Variants in MEI4 observed in about 807,000 individuals in gnomAD.
MEI4 encodes the protein meiotic double-stranded break formation protein 4, also known as meiosis-specific protein MEI4.
Under a neutral mutation model 31.4 loss-of-function variants are expected in MEI4, and 27 were observed. The observed-to-expected ratio is 0.86, with a 90% confidence interval of 0.63 to 1.19. The LOEUF is 1.19. MEI4 is among the 50% of genes most tolerant of loss of function. The pLI, the probability that MEI4 is intolerant of heterozygous loss-of-function variation, is 0.00. For missense variants in MEI4, 329 were observed against 398.9 expected (o/e 0.82, Z 1.49); for synonymous variants, 122 against 145.4 (o/e 0.84, Z 1.16).
At chr6:77,752,746 G>GA (rs1014391492) in intron 2 of MEI4, among the ~76,000 whole-genome samples, 6 of 151,948 alleles carry the variant, frequency 3.9e-5, no homozygotes, top group East Asian at 1.9e-4. Context: ...CACAGAATTG[G>GA]AAAAAAACTA....
At chr6:77,909,880 C>T (rs1766391457) in intron 4 of MEI4, among the ~76,000 whole-genome samples, 3 of 152,212 alleles carry the variant, frequency 2.0e-5, no homozygotes, top group South Asian at 4.1e-4. Context: ...GGGCTTCATC[C>T]CTGGGATGCA....
chr6:77,734,274 A>G (rs1267939057), intron 2 of MEI4, among the ~76,000 whole-genome samples: 3 of 151,618 alleles, frequency 2.0e-5, no homozygotes, highest in African/African-American at 4.9e-5. Context: ...GTCTCTTTGT[A>G]GGTCACTCAG....
intron 3 of MEI4, among the ~76,000 whole-genome samples, chr6:77,767,693 T>A: frequency 6.7e-6 from 1 of 149,194 alleles, no homozygotes. Context: ...CAGGAAACTG[T>A]CACACACACA....
At chr6:77,760,159 T>C (rs1315059021) in intron 2 of MEI4, among the ~76,000 whole-genome samples, 1 of 152,094 alleles carries the variant, frequency 6.6e-6, no homozygotes, top group Non-Finnish European at 1.5e-5. Context: ...AGACATAGTT[T>C]CATGGATCTA....
chr6:77,817,949 GT>G (rs1263586284), intron 3 of MEI4, among the ~76,000 whole-genome samples: 2 of 152,000 alleles, frequency 1.3e-5, no homozygotes, highest in South Asian at 4.1e-4. Flanking sequence ...TCCATTATTT[GT>G]TTTTTTGGCA....
intron 2 of MEI4, among the ~76,000 whole-genome samples, chr6:77,716,412 A>T (rs960270015): frequency 1.3e-5 from 2 of 151,774 alleles, no homozygotes; most frequent in Non-Finnish European, 2.9e-5. Context: ...GCACATTAGA[A>T]TTACCTGTGT....
rs58946198 is a variant in MEI4 at position 77,868,502 on chromosome 6, CATAT to C, written c.900+39463_900+39466del. Among the ~76,000 whole-genome samples, 126 of 90,066 alleles carry C rather than the reference CATAT, an allele frequency of 1.4e-3. 10 individuals carry two copies. Among genetic ancestry groups the C allele is most frequent in the East Asian group, 4.5e-3 (12 of 2,686 alleles). 59.1% of individuals were successfully genotyped at this position (90,066 alleles called of 152,430 possible). A position where few individuals can be genotyped will look rare whatever the true frequency, so the allele number is the denominator to read the frequency against. ...AAAAACTTCCATGTAAAAAATACTA[CATAT>C]ATATATATATATATATATATATGCA... On this transcript the variant is annotated intron_variant, in intron 4 of 4. Transcript: ENST00000684080.
intron 4 of MEI4, among the ~76,000 whole-genome samples, chr6:77,920,968 C>T (rs756384713): frequency 5.3e-5 from 8 of 151,836 alleles, no homozygotes; most frequent in Admixed American, 3.3e-4. Flanking sequence ...TTAAGGATTC[C>T]AGAATTGTTG....
intron 4 of MEI4, among the ~76,000 whole-genome samples, chr6:77,879,784 A>AC (rs1295565749): frequency 6.6e-6 from 1 of 152,112 alleles, no homozygotes; most frequent in Non-Finnish European, 1.5e-5. Context: ...TGTACACAAG[A>AC]CCAGGGGCCT....
At chr6:77,705,246 A>C (rs568946176) in intron 2 of MEI4, among the ~76,000 whole-genome samples, 1 of 152,274 alleles carries the variant, frequency 6.6e-6, no homozygotes, top group Admixed American at 6.5e-5. Context: ...TTGGGTAGGA[A>C]ATTCAGTGTA....
At chr6:77,743,979 C>T (rs1582091146) in intron 2 of MEI4, among the ~76,000 whole-genome samples, 1 of 152,162 alleles carries the variant, frequency 6.6e-6, no homozygotes, top group African/African-American at 2.4e-5. Flanking sequence ...ACATCACCAT[C>T]ATTAAAGACC....
At chr6:77,709,343 C>A (rs894782623) in intron 2 of MEI4, among the ~76,000 whole-genome samples, 4 of 152,280 alleles carry the variant, frequency 2.6e-5, no homozygotes, top group African/African-American at 9.6e-5. Context: ...TCTTGTGGTG[C>A]TGGATTCCAT....
intron 1 of MEI4, among the ~76,000 whole-genome samples, chr6:77,663,671 A>G (rs576199513): frequency 7.9e-5 from 12 of 152,276 alleles, no homozygotes; most frequent in African/African-American, 2.9e-4. Context: ...CAAGGGAAAC[A>G]GGCCCTTGAA....
chr6:77,859,729 C>A (rs910842992), intron 4 of MEI4, among the ~76,000 whole-genome samples: 5 of 152,020 alleles, frequency 3.3e-5, no homozygotes, highest in African/African-American at 1.2e-4. Context: ...CATATTAAAT[C>A]ATGGAAAAAG....
intron 2 of MEI4, among the ~76,000 whole-genome samples, chr6:77,751,054 GTTC>G: frequency 6.6e-6 from 1 of 152,140 alleles, no homozygotes; most frequent in East Asian, 1.9e-4. Context: ...AAATAAAGAT[GTTC>G]TTTGAAACCA....
chr6:77,872,597 T>C (rs1771222432), intron 4 of MEI4, among the ~76,000 whole-genome samples: 1 of 151,902 alleles, frequency 6.6e-6, no homozygotes, highest in Admixed American at 6.6e-5. Context: ...ATTATTATTA[T>C]ACTTTAAGTT....
intron 3 of MEI4, among the ~76,000 whole-genome samples, chr6:77,796,455 A>G (rs188883641): frequency 3.7e-4 from 57 of 152,326 alleles, no homozygotes; most frequent in African/African-American, 1.3e-3. Context: ...AATTGTATAT[A>G]GAACACCCTA....
At chr6:77,753,378 T>C (rs1385051071) in intron 2 of MEI4, among the ~76,000 whole-genome samples, 1 of 151,730 alleles carries the variant, frequency 6.6e-6, no homozygotes, top group Non-Finnish European at 1.5e-5. Context: ...ATATCCAGAA[T>C]CTACAAAGAA....
At chr6:77,736,497 G>C (rs373194239) in intron 2 of MEI4, among the ~76,000 whole-genome samples, 1 of 152,002 alleles carries the variant, frequency 6.6e-6, no homozygotes, top group Non-Finnish European at 1.5e-5. Flanking sequence ...TTCGGCTTGC[G>C]AACGGTGCGC....
Sources: allele counts gnomAD v4.1 joint callset (sites outside exome capture counted in the v4.1 genomes callset), GRCh38; gene constraint gnomAD v4.1.1; transcripts MANE v1.5; gene names NCBI Gene and HGNC (gene_info 2026-07-23, HGNC 2026-07-21).